The following RYR2 variants were observed in gnomAD, a reference collection of about 807,000 sequenced individuals.
RYR2 encodes ryanodine receptor 2, also known as cardiac muscle ryanodine receptor-calcium release channel.
RYR2 carries 227 observed loss-of-function variants against 601.1 expected under a neutral mutation model. The observed-to-expected ratio is 0.38, with a 90% confidence interval of 0.34 to 0.42. The LOEUF (loss-of-function observed/expected upper bound fraction) is 0.42, where lower values mean the gene tolerates loss of function less well. Among genes scored for constraint, RYR2 ranks in the 10% least tolerant of loss-of-function variants. The pLI is 1.00. For missense variants in RYR2, 4,646 were observed against 6,156.5 expected, an observed-to-expected ratio of 0.75 and a Z score of 8.21; for synonymous variants, 2,223 against 2,175.1, an observed-to-expected ratio of 1.02 and a Z score of -0.61.
At chr1:237,049,805 C>G (rs1224728899) in intron 1 of RYR2, among the ~76,000 whole-genome samples, 1 of 152,174 alleles carries the variant, frequency 6.6e-6, no homozygotes, top group Non-Finnish European at 1.5e-5. Flanking sequence ...TTAGGGACTA[C>G]TTAGGTTCGG....
chr1:237,044,375 T>A (rs997687534), intron 1 of RYR2, among the ~76,000 whole-genome samples: 5 of 152,132 alleles, frequency 3.3e-5, no homozygotes, highest in Non-Finnish European at 5.9e-5. Flanking sequence ...GGCTTAACTG[T>A]TAAGCCGAGC....
chr1:237,324,469 G>A (rs905847193), intron 2 of RYR2, among the ~76,000 whole-genome samples: 5 of 152,136 alleles, frequency 3.3e-5, no homozygotes, highest in South Asian at 2.1e-4. Context: ...CATCTGCTCT[G>A]TTTTAAAGTA....
chr1:237,107,187 ATATACTT>A (rs1396937471), intron 1 of RYR2, among the ~76,000 whole-genome samples: 1 of 152,162 alleles, frequency 6.6e-6, no homozygotes, highest in African/African-American at 2.4e-5. Flanking sequence ...AATGGACAAC[ATATACTT>A]TATATATCTT....
At chr1:237,665,138 C>T (rs1007615891) in intron 56 of RYR2, among the ~76,000 whole-genome samples, 8 of 152,136 alleles carry the variant, frequency 5.3e-5, no homozygotes, top group South Asian at 2.1e-4. Flanking sequence ...TGGTGGCTCA[C>T]ACCTGTAATC....
intron 79 of RYR2, among the ~76,000 whole-genome samples, chr1:237,740,421 G>A (rs554910560): frequency 6.6e-6 from 1 of 152,132 alleles, no homozygotes; most frequent in South Asian, 2.1e-4. Flanking sequence ...ATTTTCCTAG[G>A]AAGATTTTTT....
chr1:237,810,140 A>T (rs774570845), intron 100 of RYR2, among the ~76,000 whole-genome samples: 6 of 152,060 alleles, frequency 3.9e-5, no homozygotes, highest in Non-Finnish European at 7.3e-5. Context: ...AAAACTCAGG[A>T]TCTATGAAAG....
At chr1:237,433,352 A>G (rs537457835) in intron 12 of RYR2, among the ~76,000 whole-genome samples, 11 of 151,822 alleles carry the variant, frequency 7.2e-5, no homozygotes, top group African/African-American at 2.7e-4. Context: ...TGCTGATTAT[A>G]TTTATAATAG....
intron 17 of RYR2, among the ~76,000 whole-genome samples, chr1:237,473,613 A>C (rs541147293): frequency 6.6e-6 from 1 of 152,118 alleles, no homozygotes; most frequent in East Asian, 1.9e-4. Flanking sequence ...CAAATAAGGG[A>C]AAGTTCTACT....
At chr1:237,803,029 G>C (rs2149424004) in intron 98 of RYR2, among the ~76,000 whole-genome samples, 1 of 152,218 alleles carries the variant, frequency 6.6e-6, no homozygotes, top group Non-Finnish European at 1.5e-5. Flanking sequence ...CTATTACTGT[G>C]TCTCTCTGAA....
intron 1 of RYR2, among the ~76,000 whole-genome samples, chr1:237,136,963 G>A (rs1376553451): frequency 6.9e-6 from 1 of 145,000 alleles, no homozygotes; most frequent in Non-Finnish European, 1.5e-5. Context: ...GTTGCAGTGA[G>A]CCGAGATCAT....
At chr1:237,395,035 G>A (rs1031500948) in intron 10 of RYR2, among the ~76,000 whole-genome samples, 20 of 152,228 alleles carry the variant, frequency 1.3e-4, no homozygotes, top group East Asian at 1.2e-3. Context: ...ATAGCAAGGG[G>A]AAAATCTGCC....
intron 1 of RYR2, among the ~76,000 whole-genome samples, chr1:237,103,683 C>T (rs1045206616): frequency 3.4e-4 from 52 of 152,354 alleles, no homozygotes; most frequent in African/African-American, 1.2e-3. Context: ...ATTCTCCTGC[C>T]TCAGCCTCCC....
chr1:237,595,565 A>G lies in RYR2; in HGVS notation c.4504A>G (p.Asn1502Asp), dbSNP rs771188080. ...ESMSPGQGRN[N>D]NGLEIGCVVD... ...CATGAGCCCCGGGCAAGGACGCAAC[A>G]ATAATGGACTGGAGATTGGCTGTGT... is the stretch of plus-strand genomic sequence containing the variant. Residue 1502 changes from asparagine to aspartate, a missense_variant, in exon 34 of 105, where the codon AAT becomes GAT. Physicochemically the swap from Asn to Asp is conservative, Grantham distance 23 (BLOSUM62 1). Around this residue, in one of 17 missense-constraint regions of RYR2, gnomAD observed 1,807 missense variants for 2,088.1 expected, o/e 0.87. Coordinates refer to ENST00000366574, the MANE Select transcript of RYR2 (RefSeq NM_001035.3). 1.2e-6 allele frequency: 2 copies of G among 1,613,702 alleles called. No individual in the cohort carries two copies. The highest frequency in any genetic ancestry group is 1.7e-6 in the Non-Finnish European group (2 of 1,179,762).
intron 74 of RYR2, 53 bp downstream of exon 74, chr1:237,723,315 T>A: frequency 6.9e-7 from 1 of 1,443,794 alleles, no homozygotes; most frequent in Non-Finnish European, 9.6e-7. Context: ...TACAAATATT[T>A]TAAAAAGAGA....
chr1:237,515,164 G>T (rs548140345), intron 24 of RYR2, among the ~76,000 whole-genome samples: 1 of 152,296 alleles, frequency 6.6e-6, no homozygotes, highest in East Asian at 1.9e-4. Context: ...GAACAGCACA[G>T]CTTGGCAGAT....
chr1:237,352,813 G>T (rs572556585), intron 3 of RYR2: 3 of 503,724 alleles, frequency 6.0e-6, no homozygotes, highest in African/African-American at 5.8e-5. Flanking sequence ...ACAATGCAGT[G>T]CTAATGGGGA....
chr1:237,761,706 A>G (rs941683895), intron 84 of RYR2, among the ~76,000 whole-genome samples: 1 of 152,178 alleles, frequency 6.6e-6, no homozygotes, highest in African/African-American at 2.4e-5. Context: ...TTTTAGCAGT[A>G]TTTATTAAGA....
chr1:237,570,510 T>C (rs1390527983), intron 29 of RYR2, among the ~76,000 whole-genome samples: 1 of 151,904 alleles, frequency 6.6e-6, no homozygotes, highest in Non-Finnish European at 1.5e-5. Flanking sequence ...AGCTAATTTT[T>C]GTATTTTTAG....
intron 3 of RYR2, among the ~76,000 whole-genome samples, chr1:237,351,302 G>T (rs1474323487): frequency 6.6e-6 from 1 of 151,862 alleles, no homozygotes; most frequent in Non-Finnish European, 1.5e-5. Flanking sequence ...AAGACAAAAA[G>T]AAAATATTAA....
Sources: allele counts gnomAD v4.1 joint callset (sites outside exome capture counted in the v4.1 genomes callset), GRCh38; gene constraint gnomAD v4.1.1; regional missense constraint gnomAD v4.1.1; transcripts MANE v1.5; gene names NCBI Gene and HGNC (gene_info 2026-07-23, HGNC 2026-07-21).